Variants in SNCAIP observed in about 807,000 individuals in gnomAD.
SNCAIP encodes the protein synphilin-1.
In SNCAIP, 43 loss-of-function variants were observed where a neutral mutation model predicts 86.7. The ratio of observed to expected loss-of-function variants is 0.50; its 90% CI spans 0.39 to 0.64. The LOEUF is 0.64. Ranked by LOEUF, SNCAIP falls within the 30% of genes least tolerant of loss-of-function variation. The pLI, the probability that SNCAIP is intolerant of heterozygous loss-of-function variation, is 0.00. For synonymous variants in SNCAIP, 417 were observed against 427.2 expected (o/e 0.98, Z 0.29); for missense variants, 981 against 1,103.1 (o/e 0.89, Z 1.57).
At chr5:122,388,905 G>C (rs533216237) in intron 1 of SNCAIP, 42 of 152,326 alleles carry the variant, frequency 2.8e-4, no homozygotes, top group African/African-American at 9.1e-4. Context: ...TTAGTCTAAG[G>C]TGGGGCCATC....
At chr5:122,324,963 C>T (rs1209374998) in intron 1 of SNCAIP, among the ~76,000 whole-genome samples, 2 of 152,144 alleles carry the variant, frequency 1.3e-5, no homozygotes, top group Non-Finnish European at 2.9e-5. Context: ...GGCAGAATAA[C>T]ATAATAACTG....
intron 8 of SNCAIP, 125 bp from the exon 9 acceptor site, chr5:122,449,720 T>C (rs1322411276): frequency 7.8e-6 from 6 of 765,470 alleles, no homozygotes; most frequent in African/African-American, 3.4e-5. Context: ...ATGAATATTA[T>C]GCACATTTTA....
At chr5:122,320,678 G>A (rs1379396491) in intron 1 of SNCAIP, among the ~76,000 whole-genome samples, 1 of 152,136 alleles carries the variant, frequency 6.6e-6, no homozygotes, top group Non-Finnish European at 1.5e-5. Context: ...AGAGTCAGGG[G>A]GATATGCAGG....
chr5:122,374,282 T>C (rs183164370), intron 1 of SNCAIP, among the ~76,000 whole-genome samples: 42 of 152,270 alleles, frequency 2.8e-4, no homozygotes, highest in Non-Finnish European at 7.4e-5. Flanking sequence ...CACTTTATCT[T>C]AGTCTGTTTC....
At chr5:122,448,087 A>G (rs1005767757) in intron 8 of SNCAIP, among the ~76,000 whole-genome samples, 12 of 152,224 alleles carry the variant, frequency 7.9e-5, no homozygotes, top group African/African-American at 2.9e-4. Context: ...CCGATCTCAC[A>G]TAATTAGATT....
At chr5:122,452,709 A>C (rs1469249909) in intron 10 of SNCAIP, among the ~76,000 whole-genome samples, 1 of 152,182 alleles carries the variant, frequency 6.6e-6, no homozygotes, top group Non-Finnish European at 1.5e-5. Context: ...GTCAAAACTT[A>C]AGTCACTCAG....
At chr5:122,409,261 G>C (rs767794025) in intron 3 of SNCAIP, among the ~76,000 whole-genome samples, 13 of 152,168 alleles carry the variant, frequency 8.5e-5, no homozygotes, top group Non-Finnish European at 1.8e-4. Context: ...GACATATGGT[G>C]TTCAAATCAA....
intron 1 of SNCAIP, among the ~76,000 whole-genome samples, chr5:122,361,378 G>A (rs770248082): frequency 1.3e-5 from 2 of 151,490 alleles, no homozygotes; most frequent in African/African-American, 2.4e-5. Flanking sequence ...CTCTGACCTC[G>A]TGAATCCTGC....
chr5:122,329,715 T>C (rs970805930), intron 1 of SNCAIP, among the ~76,000 whole-genome samples: 2 of 151,998 alleles, frequency 1.3e-5, no homozygotes, highest in African/African-American at 4.8e-5. Flanking sequence ...CATGAGAGAG[T>C]AAAATAACAT....
intron 2 of SNCAIP, among the ~76,000 whole-genome samples, chr5:122,393,201 G>A (rs866183508): frequency 2.6e-5 from 4 of 152,238 alleles, no homozygotes; most frequent in South Asian, 2.1e-4. Context: ...CCTTTAACCT[G>A]CATTTAAACT....
chr5:122,367,526 A>G (rs930985120), intron 1 of SNCAIP, among the ~76,000 whole-genome samples: 1 of 152,144 alleles, frequency 6.6e-6, no homozygotes, highest in African/African-American at 2.4e-5. Context: ...GTCAGGTTCC[A>G]AAAACCAGAG....
chr5:122,319,556 A>T (rs1213358291), intron 1 of SNCAIP, among the ~76,000 whole-genome samples: 1 of 152,228 alleles, frequency 6.6e-6, no homozygotes, highest in Non-Finnish European at 1.5e-5. Context: ...AGAGCATCAT[A>T]TGAAAGCTAT....
chr5:122,436,197 A>AT (rs1168149721), intron 6 of SNCAIP, among the ~76,000 whole-genome samples: 366 of 147,574 alleles, frequency 2.5e-3, no homozygotes, highest in Middle Eastern at 3.5e-3. Context: ...AGATATTTTA[A>AT]TTTTTTTTTT....
intron 1 of SNCAIP, among the ~76,000 whole-genome samples, chr5:122,338,566 A>T (rs972969305): frequency 6.6e-6 from 1 of 152,236 alleles, no homozygotes; most frequent in African/African-American, 2.4e-5. Context: ...ATGCACACAT[A>T]TATAAAGTTA....
At chr5:122,419,996 G>C (rs1028254734) in intron 3 of SNCAIP, among the ~76,000 whole-genome samples, 4 of 152,112 alleles carry the variant, frequency 2.6e-5, no homozygotes, top group Non-Finnish European at 5.9e-5. Flanking sequence ...TTCCCATCCA[G>C]GTGTATGATA....
In SNCAIP at chr5:122,420,617, G is replaced by A. The variant is rs998868026; in HGVS notation, c.131-2251G>A. Among the ~76,000 whole-genome samples the A allele has an allele frequency of 1.3e-4, 19 of 151,690 alleles. 1 individual carries two copies. Among genetic ancestry groups the A allele is most frequent in the Non-Finnish European group, 1.2e-4 (8 of 67,972 alleles). On this transcript the variant is annotated intron_variant, in intron 3 of 10. Transcript: ENST00000261368. ...TTTCCATTTTATTTAAAGCCTTGCC[G>A]AAAGTTGATGAATAAAATTAAAGGC...
intron 1 of SNCAIP, among the ~76,000 whole-genome samples, chr5:122,354,473 G>A (rs1760603521): frequency 6.6e-6 from 1 of 152,120 alleles, no homozygotes; most frequent in African/African-American, 2.4e-5. Flanking sequence ...TGGGCTCCCA[G>A]GCTTGTCATT....
intron 3 of SNCAIP, among the ~76,000 whole-genome samples, chr5:122,418,393 T>C (rs1263445535): frequency 6.6e-6 from 1 of 152,214 alleles, no homozygotes; most frequent in Non-Finnish European, 1.5e-5. Context: ...ACTATGTTTA[T>C]TTAATATATT....
At chr5:122,378,823 C>T (rs1224812419) in intron 1 of SNCAIP, among the ~76,000 whole-genome samples, 1 of 145,526 alleles carries the variant, frequency 6.9e-6, no homozygotes, top group East Asian at 2.1e-4. Flanking sequence ...TTGTTTTTCT[C>T]AGGTTTGTCA....
Sources: allele counts gnomAD v4.1 joint callset (sites outside exome capture counted in the v4.1 genomes callset), GRCh38; gene constraint gnomAD v4.1.1; transcripts MANE v1.5; gene names NCBI Gene and HGNC (gene_info 2026-07-23, HGNC 2026-07-21).